Variants in WIPF3 observed in about 807,000 individuals in gnomAD.
WIPF3 encodes WAS/WASL interacting protein family member 3, also known as WAS/WASL-interacting protein family member 3.
WIPF3 carries 33 observed loss-of-function variants against 38.9 expected under a neutral mutation model. The ratio of observed to expected loss-of-function variants is 0.85; its 90% CI spans 0.64 to 1.14. The LOEUF (loss-of-function observed/expected upper bound fraction) is 1.14, where lower values mean the gene tolerates loss of function less well. Among genes scored for constraint, WIPF3 ranks in the 50% most tolerant of loss-of-function variants. The pLI, the probability that WIPF3 is intolerant of heterozygous loss-of-function variation, is 0.00. For missense variants in WIPF3, 711 were observed against 652.5 expected, an observed-to-expected ratio of 1.09 and a Z score of -0.98; for synonymous variants, 324 against 269.3, an observed-to-expected ratio of 1.20 and a Z score of -1.99.
rs1785816749 is a variant in WIPF3 at position 29,884,373 on chromosome 7, GC to G, written c.884del (p.Pro295ArgfsTer79). On this transcript the variant is annotated frameshift_variant, in exon 5 of 9. Transcript: ENST00000242140. LOFTEE classifies it high-confidence loss of function. The part of the protein sequence containing the change: ...QDAQEPPAPP[P>X]PLPPYASCSP... ...ATGCGCAGGAGCCTCCCGCCCCGCC[GC>G]CCCCGCTCCCCCCTTATGCTTCTTG... 3 of 458,220 alleles carry G rather than the reference GC, an allele frequency of 6.5e-6. No individual in the cohort carries two copies. Among genetic ancestry groups the G allele is most frequent in the Non-Finnish European group, 8.3e-6 (3 of 361,192 alleles). 28.4% of individuals were successfully genotyped at this position (458,220 alleles called of 1,614,324 possible).
chr7:29,864,837 A>T (rs1340139160), intron 2 of WIPF3, among the ~76,000 whole-genome samples: 1 of 152,122 alleles, frequency 6.6e-6, no homozygotes, highest in Non-Finnish European at 1.5e-5. Context: ...AATGTGTTCC[A>T]TTCTTTTCTA....
At chr7:29,912,069 T>C (rs945080982) in intron 8 of WIPF3, among the ~76,000 whole-genome samples, 2 of 152,120 alleles carry the variant, frequency 1.3e-5, no homozygotes, top group African/African-American at 4.8e-5. Flanking sequence ...ACAGAACTTA[T>C]AAAACTCAAC....
chr7:29,914,398 C>T (rs1006243014), intron 8 of WIPF3, 95 bp from the exon 9 acceptor site: 92 of 1,046,822 alleles, frequency 8.8e-5, no homozygotes, highest in Admixed American at 1.3e-4. Context: ...TGAGAAGCTT[C>T]GGGGCCCAGC....
chr7:29,850,645 G>A (rs1785079166), intron 2 of WIPF3, among the ~76,000 whole-genome samples: 1 of 152,150 alleles, frequency 6.6e-6, no homozygotes, highest in South Asian at 2.1e-4. Flanking sequence ...CTCACACAGG[G>A]GAACATGCCA....
chr7:29,851,560 A>G (rs1200300166), intron 2 of WIPF3, among the ~76,000 whole-genome samples: 1 of 152,196 alleles, frequency 6.6e-6, no homozygotes, highest in Non-Finnish European at 1.5e-5. Context: ...AATTTCCGTG[A>G]CTGACAGTGC....
chr7:29,839,355 T>A (rs1249822911), intron 2 of WIPF3, among the ~76,000 whole-genome samples: 4 of 152,206 alleles, frequency 2.6e-5, no homozygotes. Flanking sequence ...CTAAAACCAC[T>A]GGGTGAAAGG....
intron 2 of WIPF3, among the ~76,000 whole-genome samples, chr7:29,846,050 C>A (rs896043671): frequency 6.6e-6 from 1 of 152,218 alleles, no homozygotes; most frequent in Non-Finnish European, 1.5e-5. Context: ...AAAAAGAACA[C>A]CCTCAATGCA....
At chr7:29,861,864 G>A (rs1467229301) in intron 2 of WIPF3, among the ~76,000 whole-genome samples, 1 of 152,138 alleles carries the variant, frequency 6.6e-6, no homozygotes, top group African/African-American at 2.4e-5. Context: ...TGATGTTGTT[G>A]TCATCGTTAT....
chr7:29,892,006 C>T (rs1194635229), intron 7 of WIPF3, among the ~76,000 whole-genome samples: 2 of 152,168 alleles, frequency 1.3e-5, no homozygotes, highest in Admixed American at 6.5e-5. Context: ...TACAGACTGC[C>T]GGAGGTGCAA....
intron 2 of WIPF3, among the ~76,000 whole-genome samples, chr7:29,856,028 C>G (rs1456481859): frequency 1.3e-5 from 2 of 152,084 alleles, no homozygotes; most frequent in East Asian, 3.9e-4. Context: ...TTGTGTGTTT[C>G]TTAGATATGT....
chr7:29,840,581 G>C (rs1007319035), intron 2 of WIPF3, among the ~76,000 whole-genome samples: 2 of 152,174 alleles, frequency 1.3e-5, no homozygotes, highest in African/African-American at 4.8e-5. Context: ...TGTAAATTGG[G>C]TTAAGAAATG....
chr7:29,871,930 T>A (rs1785503384), intron 2 of WIPF3, among the ~76,000 whole-genome samples: 1 of 152,238 alleles, frequency 6.6e-6, no homozygotes, highest in Non-Finnish European at 1.5e-5. Context: ...CTGTCTTTTT[T>A]GAAGCTTGCT....
chr7:29,842,691 G>T (rs899889003), intron 2 of WIPF3, among the ~76,000 whole-genome samples: 2 of 152,128 alleles, frequency 1.3e-5, no homozygotes, highest in African/African-American at 4.8e-5. Flanking sequence ...AGAAAATGGA[G>T]AAAATGGAGT....
At chr7:29,873,766 A>T (rs753571636) in intron 2 of WIPF3, among the ~76,000 whole-genome samples, 42 of 152,162 alleles carry the variant, frequency 2.8e-4, no homozygotes, top group Non-Finnish European at 5.0e-4. Flanking sequence ...CAAGAATCAG[A>T]CTTTGAAGCC....
At chr7:29,906,500 A>G (rs1786399970) in intron 8 of WIPF3, among the ~76,000 whole-genome samples, 1 of 152,170 alleles carries the variant, frequency 6.6e-6, no homozygotes, top group South Asian at 2.1e-4. Flanking sequence ...AACAGAAAGA[A>G]AAAAAATTAA....
intron 1 of WIPF3, among the ~76,000 whole-genome samples, chr7:29,814,605 C>T (rs143523962): frequency 6.6e-6 from 1 of 152,298 alleles, no homozygotes; most frequent in African/African-American, 2.4e-5. Context: ...TTGTCACATC[C>T]TAGCTATTTG....
chr7:29,884,370 G>GCC lies in WIPF3; in HGVS notation c.877_878dup (p.Pro294ArgfsTer81). The GCC allele has an allele frequency of 1.3e-5, 5 of 374,148 alleles. No homozygotes were observed. Among genetic ancestry groups the GCC allele is most frequent in the South Asian group, 4.3e-5 (1 of 23,086 alleles). 23.2% of individuals were successfully genotyped at this position (374,148 alleles called of 1,614,324 possible). On this transcript the variant is annotated frameshift_variant, in exon 5 of 9. Transcript: ENST00000242140. LOFTEE classifies it high-confidence loss of function. ...AAGATGCGCAGGAGCCTCCCGCCCC[G>GCC]CCGCCCCCGCTCCCCCCTTATGCTT...
intron 2 of WIPF3, among the ~76,000 whole-genome samples, chr7:29,871,886 A>G (rs1785502336): frequency 6.6e-6 from 1 of 152,192 alleles, no homozygotes; most frequent in Non-Finnish European, 1.5e-5. Context: ...GTGAACGTCT[A>G]TTCTACGATG....
At chr7:29,845,719 G>T (rs1390257441) in intron 2 of WIPF3, among the ~76,000 whole-genome samples, 1 of 152,250 alleles carries the variant, frequency 6.6e-6, no homozygotes, top group Non-Finnish European at 1.5e-5. Context: ...GTCGGATGAG[G>T]GATGAGGGAG....
Sources: allele counts gnomAD v4.1 joint callset (sites outside exome capture counted in the v4.1 genomes callset), GRCh38; gene constraint gnomAD v4.1.1; transcripts MANE v1.5; gene names NCBI Gene and HGNC (gene_info 2026-07-23, HGNC 2026-07-21).